The following ARSB variants were observed in gnomAD, a reference collection of about 807,000 sequenced individuals.
ARSB encodes arylsulfatase B, also known as N-acetylgalactosamine-4-sulfatase.
Under a neutral mutation model 50.9 loss-of-function variants are expected in ARSB, and 41 were observed. The observed-to-expected ratio is 0.81, with a 90% confidence interval of 0.63 to 1.04. ARSB has a LOEUF of 1.04. ARSB is among the 50% of genes least tolerant of loss of function. The pLI is 0.00. For missense variants in ARSB, 672 were observed against 693.3 expected (o/e 0.97, Z 0.35); for synonymous variants, 269 against 284.8 (o/e 0.94, Z 0.56).
intron 5 of ARSB, among the ~76,000 whole-genome samples, chr5:78,869,075 C>T (rs932652191): frequency 4.7e-5 from 7 of 149,904 alleles, no homozygotes; most frequent in African/African-American, 1.5e-4. Context: ...AAGGCCATTA[C>T]ATACTGGTAA....
chr5:78,985,287 A>C lies in ARSB; in HGVS notation c.-39T>G. The C allele has an allele frequency of 7.8e-7, 1 of 1,286,942 alleles. No homozygotes were observed. The highest frequency in any genetic ancestry group is 9.8e-7 in the Non-Finnish European group (1 of 1,021,502). 79.7% of individuals were successfully genotyped at this position (1,286,942 alleles called of 1,614,324 possible). ...CGGTCCCAGCGCCTGTGGCGCCACC[A>C]GCCCCTTGTACCGCTGATAGAATGA... On this transcript the variant is annotated 5_prime_UTR_variant, in exon 1 of 8. Coordinates refer to ENST00000264914, the MANE Select transcript of ARSB (RefSeq NM_000046.5).
chr5:78,813,981 T>C (rs1743905033), intron 6 of ARSB, among the ~76,000 whole-genome samples: 1 of 151,544 alleles, frequency 6.6e-6, no homozygotes, highest in African/African-American at 2.4e-5. Context: ...TACCAAACAG[T>C]CTCCAATAAA....
intron 5 of ARSB, 122 bp downstream of exon 5, chr5:78,885,461 TA>T: frequency 7.0e-7 from 1 of 1,427,760 alleles, no homozygotes; most frequent in South Asian, 1.4e-5. Context: ...TTATTTTTCT[TA>T]AAAATCATGT....
chr5:78,883,077 C>T (rs764128144), intron 5 of ARSB: 1 of 152,140 alleles, frequency 6.6e-6, no homozygotes, highest in Non-Finnish European at 1.5e-5. Flanking sequence ...AGCCACCACG[C>T]CCAGCCAATT....
In ARSB at chr5:78,779,949, G is replaced by C. The variant is rs1748876329; in HGVS notation, c.*448C>G. ...CTGAACATGATCCTTCACCGACAGGGAGAAGCCTTGGCCAACAGAACCATT... is the reference window on the plus strand; with the variant it reads ...CTGAACATGATCCTTCACCGACAGGCAGAAGCCTTGGCCAACAGAACCATT... On this transcript the variant is annotated 3_prime_UTR_variant, in exon 8 of 8. Transcript: ENST00000264914. 1 of 222,264 alleles carries C rather than the reference G, an allele frequency of 4.5e-6. No individual in the cohort carries two copies. The highest frequency in any genetic ancestry group is 2.3e-5 in the African/African-American group (1 of 43,326). 13.8% of individuals were successfully genotyped at this position (222,264 alleles called of 1,614,324 possible).
At position 78,984,955 on chromosome 5, in the gene ARSB, C is replaced by T; in HGVS notation, c.294G>A (p.Leu98=). Residue 98 remains leucine (L), a synonymous_variant, in exon 1 of 8, where the codon CTG becomes CTA. Transcript: ENST00000264914. The part of the protein sequence containing the change: ...QPLCTPSRSQ[L]LTGRYQIRTG... ...CGCGTACCTGGTAGCGGCCAGTGAG[C>T]AGCTGGCTCCGCGACGGCGTGCACA... 6.8e-7 allele frequency: 1 copy of T among 1,468,540 alleles called. No individual in the cohort carries two copies. The highest frequency in any genetic ancestry group is 9.0e-7 in the Non-Finnish European group (1 of 1,108,614). The allele number at this position is 1,468,540 out of a possible 1,614,324, so 91.0% of individuals were successfully genotyped here.
chr5:78,943,750 T>C (rs1368142602), intron 4 of ARSB, among the ~76,000 whole-genome samples: 2 of 152,216 alleles, frequency 1.3e-5, no homozygotes, highest in Non-Finnish European at 2.9e-5. Context: ...CTGACAATTA[T>C]GTGTCTTGGA....
intron 6 of ARSB, among the ~76,000 whole-genome samples, chr5:78,825,181 T>A (rs1201212209): frequency 6.6e-6 from 1 of 152,206 alleles, no homozygotes; most frequent in African/African-American, 2.4e-5. Context: ...AGAGTTGATG[T>A]CATCCTTGGA....
At chr5:78,960,326 T>A (rs1164635718) in intron 3 of ARSB, among the ~76,000 whole-genome samples, 1 of 152,170 alleles carries the variant, frequency 6.6e-6, no homozygotes, top group African/African-American at 2.4e-5. Flanking sequence ...AAGAAAGTCT[T>A]ATTTTCATTT....
intron 4 of ARSB, among the ~76,000 whole-genome samples, chr5:78,942,524 CTTCAT>C (rs1750989378): frequency 6.6e-6 from 1 of 152,116 alleles, no homozygotes; most frequent in South Asian, 2.1e-4. Context: ...TTATTTCTGC[CTTCAT>C]TTCATTATGT....
chr5:78,840,308 AC>A (rs753251610), intron 5 of ARSB, among the ~76,000 whole-genome samples: 20 of 152,208 alleles, frequency 1.3e-4, no homozygotes, highest in Non-Finnish European at 2.1e-4. Flanking sequence ...TACTGTTAAC[AC>A]CACAGGATTC....
rs886060797 is a variant in ARSB at position 78,781,957 on chromosome 5, C to T, written c.1231G>A (p.Ala411Thr). Reference sequence around the variant, plus strand: ...AGAGAAGAGTCATCCTTTGCTGGAGCCATGCTGTTCCTGGGACCTGGGAAG... The same window carrying T: ...AGAGAAGAGTCATCCTTTGCTGGAGTCATGCTGTTCCTGGGACCTGGGAAG... ...DSSPCPRNSMAPAKDDSSLPE... is the reference protein window; with the variant it reads ...DSSPCPRNSMTPAKDDSSLPE... The change falls in exon 7 of 8, where the codon GCT becomes ACT. Residue 411 changes from alanine (A) to threonine (T), a missense_variant. Ala to Thr is a moderately conservative substitution (Grantham distance 58). Transcript: ENST00000264914. 19 of 1,613,940 alleles carry T rather than the reference C, an allele frequency of 1.2e-5. No homozygotes were observed. The highest frequency in any genetic ancestry group is 1.5e-5 in the Non-Finnish European group (18 of 1,179,958).
In ARSB at chr5:78,813,594, C is replaced by CA. The variant is rs139812650; in HGVS notation, c.1213+25761dup. 6.2e-3 allele frequency among the ~76,000 whole-genome samples: 950 copies of CA among 152,008 alleles called. 3 individuals are homozygous for CA. The highest frequency in any genetic ancestry group is 9.6e-3 in the Non-Finnish European group (651 of 67,984). Reference sequence around the variant, plus strand: ...GCAGCAAAGTGAGTCCCCATCTCTACAAAAAATAAAAAATTAGTTGGGCAT... The same window carrying CA: ...GCAGCAAAGTGAGTCCCCATCTCTACAAAAAAATAAAAAATTAGTTGGGCAT... On this transcript the variant is annotated intron_variant, in intron 6 of 7. Coordinates refer to ENST00000264914, the MANE Select transcript of ARSB (RefSeq NM_000046.5).
chr5:78,890,336 G>A (rs1365652254), intron 4 of ARSB, among the ~76,000 whole-genome samples: 3 of 147,808 alleles, frequency 2.0e-5, no homozygotes, highest in Non-Finnish European at 3.0e-5. Context: ...CTGCAGCCTC[G>A]ATCTCCTGGG....
At chr5:78,793,410 G>A (rs1743052117) in intron 6 of ARSB, among the ~76,000 whole-genome samples, 1 of 152,204 alleles carries the variant, frequency 6.6e-6, no homozygotes, top group Non-Finnish European at 1.5e-5. Flanking sequence ...GGGACAGGGA[G>A]GAGCAGGAAG....
In ARSB at chr5:78,907,972, G is replaced by A. The variant is rs1247630150; in HGVS notation, c.899-22145C>T. On this transcript the variant is annotated intron_variant, in intron 4 of 7. Transcript: ENST00000264914. ...AATTAAAAGCAGGGGGAAGGGGGAAGTCTTGTGGTAATCAGGGCATCAAGC... is the reference window on the plus strand; with the variant it reads ...AATTAAAAGCAGGGGGAAGGGGGAAATCTTGTGGTAATCAGGGCATCAAGC... 2.0e-5 allele frequency among the ~76,000 whole-genome samples: 3 copies of A among 152,300 alleles called. No homozygotes were observed. The East Asian group carries it at 5.8e-4, about 29-fold the overall frequency.
At chr5:78,804,797 C>T (rs1212872761) in intron 6 of ARSB, among the ~76,000 whole-genome samples, 1 of 152,194 alleles carries the variant, frequency 6.6e-6, no homozygotes, top group Admixed American at 6.5e-5. Context: ...GGCCATTATA[C>T]CTGTGCACGC....
intron 1 of ARSB, among the ~76,000 whole-genome samples, chr5:78,978,236 G>A (rs1681146196): frequency 6.6e-6 from 1 of 151,860 alleles, no homozygotes; most frequent in African/African-American, 2.4e-5. Flanking sequence ...CTACTCAGGA[G>A]GCTGAGGCAG....
chr5:78,800,535 C>T (rs187675816), intron 6 of ARSB, among the ~76,000 whole-genome samples: 1 of 152,160 alleles, frequency 6.6e-6, no homozygotes, highest in East Asian at 1.9e-4. Flanking sequence ...AACAAATCAA[C>T]AAGAATTTTT....
Sources: gnomAD v4.1 joint callset for allele counts (sites outside exome capture counted in the v4.1 genomes callset) on GRCh38, gnomAD v4.1.1 for gene constraint, MANE v1.5 for transcripts, NCBI Gene and HGNC (gene_info 2026-07-23, HGNC 2026-07-21) for gene names.